TRIOBP: variants seen among roughly 807,000 people sequenced by gnomAD.
TRIOBP encodes the protein TRIO and F-actin-binding protein.
In TRIOBP, 169 loss-of-function variants were observed where a neutral mutation model predicts 238.8. The ratio of observed to expected loss-of-function variants is 0.71; its 90% CI spans 0.62 to 0.80. The LOEUF (loss-of-function observed/expected upper bound fraction) is 0.80. Ranked by LOEUF, TRIOBP falls within the 30% of genes least tolerant of loss-of-function variation. The pLI is 0.00. For missense variants in TRIOBP, 2,838 were observed against 3,122.6 expected (o/e 0.91, Z 2.17); for synonymous variants, 1,150 against 1,274.4 (o/e 0.90, Z 2.08).
rs564660033 is a variant in TRIOBP at position 37,757,774 on chromosome 22, C to T, written c.5849C>T (p.Pro1950Leu). Residue 1950 changes from proline (P) to leucine (L), a missense_variant, in exon 16 of 24, where the codon CCG becomes CTG. Transcript: ENST00000644935. ...RQALDYVELS[P>L]LTQASPQRAR... The stretch of plus-strand genomic sequence containing the variant: ...GCCTTGGACTACGTGGAGCTCTCGC[C>T]GCTGACCCAGGCTTCCCCGCAGCGG... 140 of 1,552,340 alleles carry T rather than the reference C, an allele frequency of 9.0e-5. No homozygotes were observed. The South Asian group carries it at 1.2e-3, about 13-fold the overall frequency.
chr22:37,707,320 C>G (rs1922997334), intron 3 of TRIOBP, among the ~76,000 whole-genome samples: 1 of 152,160 alleles, frequency 6.6e-6, no homozygotes, highest in Admixed American at 6.6e-5. Context: ...AAGATGGCAA[C>G]TGCCTCTTCC....
chr22:37,723,587 C>G lies in TRIOBP; in HGVS notation c.1031C>G (p.Ser344Cys). The G allele has an allele frequency of 1.9e-6, 3 of 1,614,158 alleles. No individual in the cohort carries two copies. The highest frequency in any genetic ancestry group is 1.6e-4 in the Middle Eastern group (1 of 6,062). ...STQWNTPRAS[S>C]PSRSTQLDNP... is the part of the protein sequence containing the mutation. ...CAGTGGAACACCCCCAGAGCTTCCT[C>G]TCCCTCACGAAGCACCCAACTGGAT... Residue 344 changes from serine to cysteine, a missense_variant, in exon 7 of 24, where the codon TCT becomes TGT. Physicochemically the swap from Ser to Cys is moderately radical, Grantham distance 112. This residue lies in a region of TRIOBP where 535 missense variants were observed against 537.3 expected (regional missense o/e 1.00). Transcript: ENST00000644935.
At chr22:37,747,068 G>A (rs1011098487) in intron 11 of TRIOBP, among the ~76,000 whole-genome samples, 6 of 152,192 alleles carry the variant, frequency 3.9e-5, no homozygotes, top group Non-Finnish European at 4.4e-5. Context: ...GGGCATGATG[G>A]CAGGGGTTTG....
At chr22:37,761,939 G>T (rs1431709173) in intron 17 of TRIOBP, among the ~76,000 whole-genome samples, 3 of 138,358 alleles carry the variant, frequency 2.2e-5, no homozygotes, top group Non-Finnish European at 3.1e-5. Flanking sequence ...GGCCTCCGAG[G>T]CCCCCAGCCA....
At chr22:37,714,388 A>G (rs1923411527) in intron 5 of TRIOBP, among the ~76,000 whole-genome samples, 1 of 152,126 alleles carries the variant, frequency 6.6e-6, no homozygotes, top group Non-Finnish European at 1.5e-5. Flanking sequence ...TTGATTGAAG[A>G]CTGGGTGCGG....
At chr22:37,753,115 A>G (rs997305487) in intron 12 of TRIOBP, among the ~76,000 whole-genome samples, 2 of 152,176 alleles carry the variant, frequency 1.3e-5, no homozygotes, top group Admixed American at 6.5e-5. Context: ...ACTTAGTGAG[A>G]GGAAAATGCT....
Position 37,757,835 on chromosome 22 carries a change from C to G in TRIOBP, c.5910C>G (p.Ala1970=). The part of the protein sequence containing the change: ...RTPARTPDRL[A]KQEELERDLA... ...CAGCCCGCACTCCTGACCGCCTGGC[C>G]AAGCAGGAGGAGCTGGAGCGGGACC... Residue 1970 remains alanine (A), a synonymous_variant, in exon 16 of 24, where the codon GCC becomes GCG. Coordinates refer to ENST00000644935, the MANE Select transcript of TRIOBP (RefSeq NM_001039141.3). 6.4e-7 allele frequency: 1 copy of G among 1,550,432 alleles called. No individual in the cohort carries two copies. The highest frequency in any genetic ancestry group is 8.7e-7 in the Non-Finnish European group (1 of 1,146,834).
At chr22:37,749,276 A>G (rs539748225) in intron 11 of TRIOBP, among the ~76,000 whole-genome samples, 1 of 152,180 alleles carries the variant, frequency 6.6e-6, no homozygotes, top group African/African-American at 2.4e-5. Flanking sequence ...AAACGCTTCA[A>G]CCCGGGAGGT....
At chr22:37,713,078 C>T (rs1923340587) in intron 4 of TRIOBP, 132 bp from the exon 5 acceptor site, 2 of 724,786 alleles carry the variant, frequency 2.8e-6, no homozygotes, top group Non-Finnish European at 4.5e-6. Flanking sequence ...AGAGGCAGCT[C>T]TCACCATTGG....
chr22:37,728,132 T>G (rs1292084905), intron 7 of TRIOBP, among the ~76,000 whole-genome samples: 2 of 152,138 alleles, frequency 1.3e-5, no homozygotes, highest in Non-Finnish European at 2.9e-5. Context: ...GATTTGAATC[T>G]GCATGAGAAA....
chr22:37,726,064 G>C lies in TRIOBP; in HGVS notation c.3508G>C (p.Asp1170His), dbSNP rs749084232. 1.9e-6 allele frequency: 3 copies of C among 1,594,354 alleles called. No individual in the cohort carries two copies. The highest frequency in any genetic ancestry group is 2.6e-6 in the Non-Finnish European group (3 of 1,170,428). Residue 1170 changes from aspartate to histidine, a missense_variant, in exon 7 of 24, where the codon GAT becomes CAT. Around this residue, in one of 5 missense-constraint regions of TRIOBP, gnomAD observed 2,096 missense variants for 2,137.4 expected, o/e 0.98. Transcript: ENST00000644935. ...IPTPVCIGHR[D>H]APSFSSPPRQ... ...CACCCCTGTGTGCATTGGGCACCGGGATGCACCCTCCTTCTCATCCCCACC... is the reference window on the plus strand; with the variant it reads ...CACCCCTGTGTGCATTGGGCACCGGCATGCACCCTCCTTCTCATCCCCACC...
At chr22:37,758,406 G>A (rs73411515) in intron 16 of TRIOBP, among the ~76,000 whole-genome samples, 4 of 152,202 alleles carry the variant, frequency 2.6e-5, no homozygotes, top group Non-Finnish European at 5.9e-5. Context: ...AGACCTGCCA[G>A]GCTCACACCT....
rs191589773 is a variant in TRIOBP, at chr22:37,734,435, C to T, written c.4099C>T (p.Arg1367Trp). ...MLPAKQAELT[R>W]RSQAEPPHPW... The stretch of plus-strand genomic sequence containing the variant: ...CCCTGCCAAACAGGCAGAACTGACC[C>T]GGCGGAGCCAAGCAGAGCCCCCTCA... The change falls in exon 9 of 24, where the codon CGG becomes TGG. Residue 1367 changes from arginine (R) to tryptophan (W), a missense_variant. Arg to Trp is a moderately radical substitution (Grantham distance 101). Coordinates refer to ENST00000644935, the MANE Select transcript of TRIOBP (RefSeq NM_001039141.3). The T allele has an allele frequency of 3.3e-4, 535 of 1,613,240 alleles. 4 individuals are homozygous for T. The highest frequency in any genetic ancestry group is 3.0e-3 in the African/African-American group (222 of 75,040).
rs555909364 is a variant in TRIOBP, at chr22:37,765,832, G to A, written c.6472+15G>A. On this transcript the variant is annotated intron_variant, in intron 18 of 23. Coordinates refer to ENST00000644935, the MANE Select transcript of TRIOBP (RefSeq NM_001039141.3). ...CACGGCCTCAGGTATGGACCCTGGGGGGGGCACAGTGGGCTGGGCTCTGAG... is the reference window on the plus strand; with the variant it reads ...CACGGCCTCAGGTATGGACCCTGGGAGGGGCACAGTGGGCTGGGCTCTGAG... 7.6e-6 allele frequency: 12 copies of A among 1,585,226 alleles called. No homozygotes were observed. The highest frequency in any genetic ancestry group is 4.0e-5 in the African/African-American group (3 of 74,320).
intron 3 of TRIOBP, among the ~76,000 whole-genome samples, chr22:37,708,742 G>A (rs765363217): frequency 1.1e-4 from 16 of 152,218 alleles, no homozygotes; most frequent in Non-Finnish European, 2.1e-4. Context: ...GAAAGGGGAA[G>A]TCATCGGCCT....
At chr22:37,750,445 C>T (rs1925522741) in intron 11 of TRIOBP, among the ~76,000 whole-genome samples, 1 of 152,320 alleles carries the variant, frequency 6.6e-6, no homozygotes, top group East Asian at 1.9e-4. Context: ...CTGCAAGGCC[C>T]TGGGGCCACA....
chr22:37,723,179 C>T lies in TRIOBP; in HGVS notation c.629-6C>T, dbSNP rs369824001. ...CTTACCTTGAGCCCCTCTCTTCTCT[C>T]TCCAGACACCGGCGGTGGGGGCCGG... On this transcript the variant is annotated splice_region_variant and splice_polypyrimidine_tract_variant and intron_variant, in intron 6 of 23. Transcript: ENST00000644935. The T allele has an allele frequency of 1.2e-6, 2 of 1,613,672 alleles. No individual in the cohort carries two copies. The highest frequency in any genetic ancestry group is 2.7e-5 in the African/African-American group (2 of 74,924).
In TRIOBP at chr22:37,769,127, G is replaced by A; in HGVS notation, c.6675G>A (p.Glu2225=). The A allele has an allele frequency of 1.2e-6, 2 of 1,613,188 alleles. No individual in the cohort carries two copies. The highest frequency in any genetic ancestry group is 1.7e-6 in the Non-Finnish European group (2 of 1,179,972). ...EIGALMRQAE[E]REHTLRRCQQ... ...GGGCACTCATGCGGCAGGCTGAGGAGCGCGAGCACACGCTGCGCCGCTGCC... is the reference window on the plus strand; with the variant it reads ...GGGCACTCATGCGGCAGGCTGAGGAACGCGAGCACACGCTGCGCCGCTGCC... Residue 2225 remains glutamate (E), a synonymous_variant, in exon 20 of 24, where the codon GAG becomes GAA. Transcript: ENST00000644935.
rs554837585 is a variant in TRIOBP at position 37,769,302 on chromosome 22, G to A, written c.6776G>A (p.Arg2259His). ...CTGTCAGAGGAGATAGACCAGCTGC[G>A]CGGCTTCATTGCCTCGCAGGGCATG... ...GRLSEEIDQL[R>H]GFIASQGMGN... The change falls in exon 21 of 24, where the codon CGC becomes CAC. Residue 2259 changes from arginine to histidine, a missense_variant. Arg to His is a conservative substitution (Grantham distance 29). Around this residue, in one of 5 missense-constraint regions of TRIOBP, gnomAD observed 2,096 missense variants for 2,137.4 expected, o/e 0.98. Transcript: ENST00000644935. 4.6e-5 allele frequency: 74 copies of A among 1,612,072 alleles called. No homozygotes were observed. The highest frequency in any genetic ancestry group is 2.0e-4 in the Admixed American group (12 of 59,938).
Sources: gnomAD v4.1 joint callset for allele counts (sites outside exome capture counted in the v4.1 genomes callset) on GRCh38, gnomAD v4.1.1 for gene constraint, gnomAD v4.1.1 regional missense constraint, MANE v1.5 for transcripts, NCBI Gene and HGNC (gene_info 2026-07-23, HGNC 2026-07-21) for gene names.